PCNX2: variants seen among roughly 807,000 people sequenced by gnomAD.
The protein encoded by PCNX2 is pecanex-like protein 2.
PCNX2 carries 168 observed loss-of-function variants against 223.8 expected under a neutral mutation model. The ratio of observed to expected loss-of-function variants is 0.75; its 90% confidence interval spans 0.66 to 0.85. PCNX2 has a LOEUF of 0.85. Ranked by LOEUF, PCNX2 falls within the 40% of genes least tolerant of loss-of-function variation. The pLI is 0.00. For synonymous variants in PCNX2, 1,006 were observed against 1,052.6 expected (o/e 0.96, Z 0.86); for missense variants, 2,507 against 2,675.5 (o/e 0.94, Z 1.39).
intron 15 of PCNX2, 54 bp downstream of exon 15, chr1:233,198,885 A>G: frequency 6.9e-7 from 1 of 1,446,598 alleles, no homozygotes; most frequent in South Asian, 1.2e-5. Flanking sequence ...GTTTAAAAAA[A>G]TAAGTTAATT....
At chr1:233,310,073 A>G in the PCNX2 span, among the ~76,000 whole-genome samples, 1 of 152,152 alleles carries the variant, frequency 6.6e-6, no homozygotes, top group Non-Finnish European at 1.5e-5. Flanking sequence ...CATCATTTCA[A>G]ACATTCTCAG....
intron 5 of PCNX2, among the ~76,000 whole-genome samples, chr1:233,254,004 T>C (rs1659594158): frequency 6.6e-6 from 1 of 152,214 alleles, no homozygotes; most frequent in South Asian, 2.1e-4. Flanking sequence ...GAATTGAGCC[T>C]GAACCTACAA....
At chr1:233,277,839 GAC>G (rs1660994045) in intron 1 of PCNX2, among the ~76,000 whole-genome samples, 1 of 152,092 alleles carries the variant, frequency 6.6e-6, no homozygotes. Context: ...GAAATATAGA[GAC>G]AGACTTGAAG....
chr1:233,225,050 G>A (rs867706873), intron 10 of PCNX2, among the ~76,000 whole-genome samples: 2 of 144,988 alleles, frequency 1.4e-5, no homozygotes, highest in South Asian at 2.2e-4. Context: ...AAACCACCAC[G>A]GCACATGTAT....
chr1:233,062,718 T>C (rs1672449147), intron 23 of PCNX2, among the ~76,000 whole-genome samples: 1 of 152,234 alleles, frequency 6.6e-6, no homozygotes, highest in African/African-American at 2.4e-5. Context: ...TATTTGGTCA[T>C]ATTCCATCTT....
At chr1:233,273,290 G>C (rs1023519834) in intron 1 of PCNX2, among the ~76,000 whole-genome samples, 1 of 151,872 alleles carries the variant, frequency 6.6e-6, no homozygotes, top group Non-Finnish European at 1.5e-5. Context: ...TACACATTCT[G>C]CTTAACAAAC....
intron 17 of PCNX2, 74 bp from the exon 18 acceptor site, chr1:233,161,437 G>T: frequency 7.8e-7 from 1 of 1,288,424 alleles, no homozygotes; most frequent in Non-Finnish European, 1.1e-6. Flanking sequence ...GGTAAATCAA[G>T]CAGCAGGACA....
chr1:233,249,150 T>C (rs1292710278), intron 8 of PCNX2, among the ~76,000 whole-genome samples: 2 of 152,220 alleles, frequency 1.3e-5, no homozygotes, highest in Admixed American at 1.3e-4. Context: ...AAATTTTCAG[T>C]TCTTTAAGGC....
intron 8 of PCNX2, among the ~76,000 whole-genome samples, chr1:233,239,022 G>C (rs956072169): frequency 3.9e-5 from 6 of 152,214 alleles, no homozygotes; most frequent in South Asian, 2.1e-4. Context: ...AAGCCACTGA[G>C]TAATGTAACT....
At chr1:232,997,777 CTT>C (rs1558150533) in intron 32 of PCNX2, among the ~76,000 whole-genome samples, 1 of 152,202 alleles carries the variant, frequency 6.6e-6, no homozygotes, top group Non-Finnish European at 1.5e-5. Context: ...TTTCTGCCCT[CTT>C]TTCTTCTGCT....
chr1:233,001,493 TA>T lies in PCNX2; in HGVS notation c.5097+43del, dbSNP rs1670083671. ...AAACTCCATCTCATAAATAAATAAA[TA>T]AATAAATAAATAAATAAATAAATAA... On this transcript the variant is annotated intron_variant, in intron 29 of 33. Transcript: ENST00000258229. The surrounding 1 kb of genome is among the most constrained non-coding windows in gnomAD (Gnocchi z 4.2). The T allele has an allele frequency of 8.5e-6, 9 of 1,060,722 alleles. No individual in the cohort carries two copies. The Admixed American group carries it at 4.0e-4, about 47-fold the overall frequency. The allele number at this position is 1,060,722 out of a possible 1,614,324, so 65.7% of individuals were successfully genotyped here.
chr1:233,101,990 C>A (rs969017135), intron 21 of PCNX2, among the ~76,000 whole-genome samples: 10 of 152,016 alleles, frequency 6.6e-5, no homozygotes, highest in African/African-American at 2.4e-4. Context: ...TTAAACTGTT[C>A]CAGTAAGGTG....
chr1:233,285,007 C>G, intron 1 of PCNX2: 5 of 985,356 alleles, frequency 5.1e-6, no homozygotes, highest in Non-Finnish European at 4.8e-6. Flanking sequence ...GCAGGACCCC[C>G]TGCTAACCAT....
In PCNX2 at chr1:233,236,857, C is replaced by T. The variant is rs371412704; in HGVS notation, c.2346G>A (p.Ser782=). 3.1e-6 allele frequency: 5 copies of T among 1,613,634 alleles called. No homozygotes were observed. Among genetic ancestry groups the T allele is most frequent in the African/African-American group, 1.3e-5 (1 of 74,918 alleles). The change falls in exon 9 of 34, where the codon TCG becomes TCA. Residue 782 remains serine, a synonymous_variant. Transcript: ENST00000258229. The part of the protein sequence containing the change: ...LLLMVARRTQ[S]ETPRHVSQDL... The stretch of plus-strand genomic sequence containing the variant: ...GGAATGTACGTACCCGTGGGGTTTC[C>T]GACTGGGTCCTGCGAGCCACCATCA...
chr1:233,289,697 G>T (rs1661650375), intron 1 of PCNX2, among the ~76,000 whole-genome samples: 1 of 152,244 alleles, frequency 6.6e-6, no homozygotes, highest in Non-Finnish European at 1.5e-5. Flanking sequence ...GGAGTCAAAG[G>T]AAAGAAAGCA....
intron 19 of PCNX2, among the ~76,000 whole-genome samples, chr1:233,154,807 G>A (rs1035426206): frequency 3.9e-5 from 6 of 152,016 alleles, no homozygotes; most frequent in Non-Finnish European, 5.9e-5. Flanking sequence ...GGTGGCTCAC[G>A]CCCATAATCC....
chr1:233,024,093 T>C (rs1181087253), intron 26 of PCNX2, among the ~76,000 whole-genome samples: 2 of 152,170 alleles, frequency 1.3e-5, no homozygotes, highest in Admixed American at 1.3e-4. Context: ...TCAATTTTTT[T>C]GTAGAGATGG....
Position 233,000,140 on chromosome 1 carries a change from C to T in PCNX2, c.5328+165G>A, listed in dbSNP as rs1438575519. Among the ~76,000 whole-genome samples, 1 of 152,140 alleles carries T rather than the reference C, an allele frequency of 6.6e-6. No homozygotes were observed. The highest frequency in any genetic ancestry group is 2.4e-5 in the African/African-American group (1 of 41,414). ...CACAGCACCCAGCCTGGCACCATGC[C>T]CTGCCCCACTTGCCAGCCAGCGCTC... On this transcript the variant is annotated intron_variant, in intron 30 of 33. Coordinates refer to ENST00000258229, the MANE Select transcript of PCNX2 (RefSeq NM_014801.4). The surrounding 1 kb of genome is among the most constrained non-coding windows in gnomAD (Gnocchi z 4.6).
At chr1:233,256,476 T>G (rs1659740859) in intron 5 of PCNX2, among the ~76,000 whole-genome samples, 3 of 152,182 alleles carry the variant, frequency 2.0e-5, no homozygotes, top group Non-Finnish European at 4.4e-5. Context: ...CTGGACACAC[T>G]GCTTCTGGGA....
Sources: allele counts gnomAD v4.1 joint callset (sites outside exome capture counted in the v4.1 genomes callset), GRCh38; gene constraint gnomAD v4.1.1; non-coding constraint Gnocchi (gnomAD v3.1); transcripts MANE v1.5; gene names NCBI Gene and HGNC (gene_info 2026-07-23, HGNC 2026-07-21).